DDX10: variants seen among roughly 807,000 people sequenced by gnomAD.
DDX10 encodes DEAD-box helicase 10.
In DDX10, 74 loss-of-function variants were observed where a neutral mutation model predicts 104.3. The ratio of observed to expected loss-of-function variants is 0.71; its 90% CI spans 0.59 to 0.86. The LOEUF is 0.86. Among genes scored for constraint, DDX10 ranks in the 40% least tolerant of loss-of-function variants. The pLI is 0.00. For missense variants in DDX10, 952 were observed against 1,040.0 expected (o/e 0.92, Z 1.16); for synonymous variants, 351 against 353.4 (o/e 0.99, Z 0.08).
chr11:108,833,212 A>G (rs1862496520), intron 13 of DDX10, among the ~76,000 whole-genome samples: 3 of 152,150 alleles, frequency 2.0e-5, no homozygotes, highest in African/African-American at 7.2e-5. Context: ...CTCTCCCTCA[A>G]AAGGAAGTTC....
At chr11:108,789,993 A>G (rs1247644388) in intron 13 of DDX10, among the ~76,000 whole-genome samples, 2 of 152,190 alleles carry the variant, frequency 1.3e-5, no homozygotes, top group Non-Finnish European at 2.9e-5. Context: ...AGTCTTTTAA[A>G]AGCTTCCAGG....
At chr11:108,938,024 C>T (rs1864058284) in intron 17 of DDX10, among the ~76,000 whole-genome samples, 1 of 152,194 alleles carries the variant, frequency 6.6e-6, no homozygotes, top group Non-Finnish European at 1.5e-5. Flanking sequence ...AAGGAACCCC[C>T]TCATTGTCAG....
chr11:108,703,142 A>G (rs1251497594), intron 9 of DDX10, among the ~76,000 whole-genome samples: 1 of 152,160 alleles, frequency 6.6e-6, no homozygotes, highest in African/African-American at 2.4e-5. Flanking sequence ...AAATGTTCTC[A>G]CCACAAAAAT....
chr11:108,780,885 T>G (rs1168863848), intron 13 of DDX10, among the ~76,000 whole-genome samples: 1 of 152,200 alleles, frequency 6.6e-6, no homozygotes, highest in Non-Finnish European at 1.5e-5. Context: ...ATAAACAAGC[T>G]CGTTTAGTGG....
intron 13 of DDX10, among the ~76,000 whole-genome samples, chr11:108,782,122 C>T (rs1353814825): frequency 1.3e-5 from 2 of 152,214 alleles, no homozygotes; most frequent in Non-Finnish European, 2.9e-5. Context: ...TAATTTCTGA[C>T]AAGCTCAGGT....
At chr11:108,918,777 G>A (rs1212636108) in intron 17 of DDX10, 2 of 152,142 alleles carry the variant, frequency 1.3e-5, no homozygotes, top group African/African-American at 4.8e-5. Flanking sequence ...AATATGACTT[G>A]CTCACCATTT....
chr11:108,814,779 A>T (rs574475401), intron 13 of DDX10, among the ~76,000 whole-genome samples: 1 of 152,246 alleles, frequency 6.6e-6, no homozygotes, highest in Non-Finnish European at 1.5e-5. Flanking sequence ...TATATTTGTT[A>T]TAGGAATAAG....
chr11:108,731,006 G>C (rs1217948091), intron 13 of DDX10, among the ~76,000 whole-genome samples: 1 of 151,834 alleles, frequency 6.6e-6, no homozygotes, highest in Non-Finnish European at 1.5e-5. Context: ...AAACAGTAGA[G>C]TTGAATTTCG....
At chr11:108,792,612 T>A (rs1861886832) in intron 13 of DDX10, among the ~76,000 whole-genome samples, 1 of 152,190 alleles carries the variant, frequency 6.6e-6, no homozygotes, top group African/African-American at 2.4e-5. Context: ...TCCTATTCCT[T>A]TGATTATCTG....
intron 10 of DDX10, among the ~76,000 whole-genome samples, chr11:108,707,128 G>C (rs1238368576): frequency 6.6e-6 from 1 of 151,908 alleles, no homozygotes; most frequent in Non-Finnish European, 1.5e-5. Context: ...ATTCACCAAG[G>C]TCCATAGTTT....
At chr11:108,837,086 C>G (rs1315664178) in intron 13 of DDX10, among the ~76,000 whole-genome samples, 1 of 152,160 alleles carries the variant, frequency 6.6e-6, no homozygotes, top group Non-Finnish European at 1.5e-5. Context: ...AGCACAAAAT[C>G]AATGTATAAA....
At chr11:108,778,021 AC>A (rs1267817648) in intron 13 of DDX10, among the ~76,000 whole-genome samples, 1 of 152,184 alleles carries the variant, frequency 6.6e-6, no homozygotes, top group African/African-American at 2.4e-5. Flanking sequence ...AGAACTACAA[AC>A]CACTGCTCAG....
intron 16 of DDX10, among the ~76,000 whole-genome samples, chr11:108,902,624 T>G (rs1053413291): frequency 6.6e-6 from 1 of 152,152 alleles, no homozygotes; most frequent in Admixed American, 6.6e-5. Context: ...AATATTCACT[T>G]TGTTAACTTT....
chr11:108,834,575 TG>T (rs758594269), intron 13 of DDX10, among the ~76,000 whole-genome samples: 2 of 152,144 alleles, frequency 1.3e-5, no homozygotes, highest in Non-Finnish European at 1.5e-5. Flanking sequence ...TAGTACTTTT[TG>T]TTTACTGGTT....
Position 108,835,196 on chromosome 11 carries a change from C to T in DDX10, c.1966-3250C>T, listed in dbSNP as rs149431310. On this transcript the variant is annotated intron_variant, in intron 13 of 17. Transcript: ENST00000322536. ...TTTTCCATTTTAGATGTTTTACCAC[C>T]GCACAGCTTACTCAGTTACTCTCTG... Among the ~76,000 whole-genome samples, 16 of 152,178 alleles carry T rather than the reference C, an allele frequency of 1.1e-4. No individual in the cohort carries two copies. In the East Asian group the frequency reaches 1.4e-3, roughly 13 times the overall value.
intron 13 of DDX10, among the ~76,000 whole-genome samples, chr11:108,741,401 A>G (rs181810800): frequency 1.3e-5 from 2 of 152,218 alleles, no homozygotes; most frequent in East Asian, 1.9e-4. Flanking sequence ...TTTGGGCAGT[A>G]TGGCCATTTT....
At chr11:108,736,704 C>T (rs1282277348) in intron 13 of DDX10, among the ~76,000 whole-genome samples, 1 of 152,082 alleles carries the variant, frequency 6.6e-6, no homozygotes, top group Non-Finnish European at 1.5e-5. Flanking sequence ...TCCTTCTTGC[C>T]CTCTGCCTTC....
chr11:108,864,376 C>A (rs1862979598), intron 16 of DDX10, among the ~76,000 whole-genome samples: 1 of 151,402 alleles, frequency 6.6e-6, no homozygotes, highest in Admixed American at 6.6e-5. Flanking sequence ...CTACTACTGC[C>A]CCATTAAGAA....
At chr11:108,710,248 A>G (rs1441766019) in intron 10 of DDX10, among the ~76,000 whole-genome samples, 1 of 152,102 alleles carries the variant, frequency 6.6e-6, no homozygotes, top group African/African-American at 2.4e-5. Flanking sequence ...TAAACACTGT[A>G]CACGTAGGCT....
Sources: allele counts gnomAD v4.1 joint callset (sites outside exome capture counted in the v4.1 genomes callset), GRCh38; gene constraint gnomAD v4.1.1; transcripts MANE v1.5; gene names NCBI Gene and HGNC (gene_info 2026-07-23, HGNC 2026-07-21).